The following STPG2 variants were observed in gnomAD, a reference collection of about 807,000 sequenced individuals.
STPG2 encodes sperm tail PG-rich repeat containing 2, also known as sperm-tail PG-rich repeat-containing protein 2.
Under a neutral mutation model 54.2 loss-of-function variants are expected in STPG2, and 56 were observed. That is an observed-to-expected ratio of 1.03 (90% CI 0.83 to 1.29). The LOEUF (loss-of-function observed/expected upper bound fraction) is 1.29, where lower values mean the gene tolerates loss of function less well. Ranked by LOEUF, STPG2 falls within the 50% of genes most tolerant of loss-of-function variation. STPG2 has a pLI of 0.00. For missense variants in STPG2, 596 were observed against 544.9 expected, an observed-to-expected ratio of 1.09 and a Z score of -0.93; for synonymous variants, 200 against 181.8, an observed-to-expected ratio of 1.10 and a Z score of -0.81.
intron 4 of STPG2, among the ~76,000 whole-genome samples, chr4:97,461,575 A>T (rs1578317736): frequency 6.6e-6 from 1 of 152,190 alleles, no homozygotes; most frequent in Non-Finnish European, 1.5e-5. Context: ...GCTCGCATGG[A>T]TCTCAGATTT....
chr4:97,792,388 T>G (rs1172818438), intron 9 of STPG2, among the ~76,000 whole-genome samples: 1 of 152,168 alleles, frequency 6.6e-6, no homozygotes, highest in Non-Finnish European at 1.5e-5. Flanking sequence ...CTCAGTCTAA[T>G]CAGAACCATT....
chr4:98,081,523 G>A (rs991556863), intron 5 of STPG2, among the ~76,000 whole-genome samples: 2 of 152,138 alleles, frequency 1.3e-5, no homozygotes, highest in African/African-American at 4.8e-5. Context: ...CCCAGAATAA[G>A]CAATGGAAAT....
At chr4:97,975,659 C>T (rs1459243005) in intron 6 of STPG2, among the ~76,000 whole-genome samples, 1 of 152,100 alleles carries the variant, frequency 6.6e-6, no homozygotes, top group Non-Finnish European at 1.5e-5. Flanking sequence ...ACTTAAAGAA[C>T]ACTTAACTTG....
chr4:97,897,320 G>C (rs190934560), intron 8 of STPG2, among the ~76,000 whole-genome samples: 75 of 152,132 alleles, frequency 4.9e-4, no homozygotes, highest in Admixed American at 2.0e-3. Flanking sequence ...TGGACATTTA[G>C]GATGATTCCA....
chr4:97,836,017 A>T (rs1728620316), intron 9 of STPG2, among the ~76,000 whole-genome samples: 1 of 152,114 alleles, frequency 6.6e-6, no homozygotes, highest in East Asian at 1.9e-4. Flanking sequence ...AATGGGATTT[A>T]CTCCTGGTGA....
intron 10 of STPG2, among the ~76,000 whole-genome samples, chr4:97,603,267 A>T (rs1044117051): frequency 5.9e-5 from 9 of 151,806 alleles, no homozygotes; most frequent in African/African-American, 2.2e-4. Flanking sequence ...ATGAGATACC[A>T]CCTCACATTC....
At chr4:97,528,528 C>G (rs1731341124) in intron 4 of STPG2, among the ~76,000 whole-genome samples, 1 of 152,020 alleles carries the variant, frequency 6.6e-6, no homozygotes, top group African/African-American at 2.4e-5. Flanking sequence ...TTTTCCAACT[C>G]TGTTAAGAAA....
rs564294509 is a variant in STPG2, at chr4:97,738,052, A to G, written c.1205-25238T>C. 2.6e-5 allele frequency among the ~76,000 whole-genome samples: 4 copies of G among 152,344 alleles called. No homozygotes were observed. In the South Asian group the frequency reaches 8.3e-4, roughly 32 times the overall value. The stretch of plus-strand genomic sequence containing the variant: ...ACAAGCCAGAAGAGAGCGAAGGCCA[A>G]TATTCAACATTCTTAAAGAAAAGAA... On this transcript the variant is annotated intron_variant, in intron 9 of 10. Transcript: ENST00000295268.
At position 97,522,773 on chromosome 4, in the gene STPG2, C is replaced by G. The variant is rs1731208636; in HGVS notation, c.462+189926G>C. Among the ~76,000 whole-genome samples, 5 of 151,978 alleles carry G rather than the reference C, an allele frequency of 3.3e-5. No homozygotes were observed. The South Asian group carries it at 1.0e-3, about 31-fold the overall frequency. Reference sequence around the variant, plus strand: ...TACACTGGCAAATGTTTTGGTTGGGCAGATGAAGAATAAATGAAATACTGG... The same window carrying G: ...TACACTGGCAAATGTTTTGGTTGGGGAGATGAAGAATAAATGAAATACTGG... On this transcript the variant is annotated intron_variant, in intron 4 of 4. Transcript: ENST00000522676.
At chr4:97,542,289 C>T (rs1731729924) in intron 4 of STPG2, among the ~76,000 whole-genome samples, 1 of 152,062 alleles carries the variant, frequency 6.6e-6, no homozygotes, top group Non-Finnish European at 1.5e-5. Context: ...AACAAACAAC[C>T]CCATCAAAAA....
chr4:97,889,989 C>T (rs1402316867), intron 8 of STPG2, among the ~76,000 whole-genome samples: 1 of 152,054 alleles, frequency 6.6e-6, no homozygotes, highest in Non-Finnish European at 1.5e-5. Context: ...ATTTGAAATA[C>T]ATTAGAAGAT....
At chr4:97,949,768 T>C (rs1325397860) in intron 7 of STPG2, among the ~76,000 whole-genome samples, 3 of 152,194 alleles carry the variant, frequency 2.0e-5, no homozygotes, top group Non-Finnish European at 4.4e-5. Context: ...GTCTGAAAGG[T>C]TTTCCCTTAC....
chr4:97,946,205 A>G (rs1255036272), intron 7 of STPG2, among the ~76,000 whole-genome samples: 1 of 152,088 alleles, frequency 6.6e-6, no homozygotes, highest in African/African-American at 2.4e-5. Context: ...CTTTTAATAA[A>G]TATCTATTCA....
chr4:97,961,625 A>T (rs992130362), intron 7 of STPG2, among the ~76,000 whole-genome samples: 3 of 152,182 alleles, frequency 2.0e-5, no homozygotes, highest in African/African-American at 7.2e-5. Flanking sequence ...ATCATTAATG[A>T]TCAGGTAAAT....
intron 4 of STPG2, among the ~76,000 whole-genome samples, chr4:97,448,746 G>A (rs1324520084): frequency 1.3e-5 from 2 of 152,008 alleles, no homozygotes; most frequent in African/African-American, 4.8e-5. Context: ...TCACCATTTA[G>A]TAGATTATAT....
At position 97,810,400 on chromosome 4, in the gene STPG2, G is replaced by A. The variant is rs1239329058; in HGVS notation, c.1204+30373C>T. ...AATCGCTTGAACCCGGGGGGCAGAG[G>A]TTGCAGTGAGCCGAGATTGCACCAC... is the stretch of plus-strand genomic sequence containing the variant. On this transcript the variant is annotated intron_variant, in intron 9 of 10. Coordinates refer to ENST00000295268, the MANE Select transcript of STPG2 (RefSeq NM_174952.3). Among the ~76,000 whole-genome samples, 6 of 149,592 alleles carry A rather than the reference G, an allele frequency of 4.0e-5. No individual in the cohort carries two copies. In the East Asian group the frequency reaches 9.9e-4, roughly 25 times the overall value.
At chr4:97,684,092 T>A (rs1723115253) in intron 10 of STPG2, among the ~76,000 whole-genome samples, 1 of 151,904 alleles carries the variant, frequency 6.6e-6, no homozygotes, top group South Asian at 2.1e-4. Context: ...GACACATTTA[T>A]GAAATAAATC....
intron 4 of STPG2, among the ~76,000 whole-genome samples, chr4:97,533,558 C>T (rs1279633380): frequency 6.6e-6 from 1 of 152,098 alleles, no homozygotes; most frequent in Admixed American, 6.6e-5. Context: ...AATATTCTCT[C>T]ATACTCCTTT....
chr4:97,632,097 A>G (rs1236975166), intron 10 of STPG2, among the ~76,000 whole-genome samples: 1 of 152,078 alleles, frequency 6.6e-6, no homozygotes, highest in Admixed American at 6.5e-5. Context: ...ATTTAGGAAG[A>G]ATAAAATCTC....
Sources: gnomAD v4.1 joint callset for allele counts (sites outside exome capture counted in the v4.1 genomes callset) on GRCh38, gnomAD v4.1.1 for gene constraint, MANE v1.5 for transcripts, NCBI Gene and HGNC (gene_info 2026-07-23, HGNC 2026-07-21) for gene names.